Variants in TPRG1 observed in about 807,000 individuals in gnomAD.
TPRG1 encodes the protein tumor protein p63-regulated gene 1 protein.
A neutral mutation model predicts 29.3 loss-of-function variants in TPRG1; 29 were observed. The observed-to-expected ratio is 0.99, with a 90% confidence interval of 0.74 to 1.35. TPRG1 has a LOEUF of 1.35. Among genes scored for constraint, TPRG1 ranks in the 40% most tolerant of loss-of-function variants. The pLI is 0.00. For missense variants in TPRG1, 327 were observed against 335.0 expected, an observed-to-expected ratio of 0.98 and a Z score of 0.19; for synonymous variants, 130 against 116.8, an observed-to-expected ratio of 1.11 and a Z score of -0.73.
intron 4 of TPRG1, among the ~76,000 whole-genome samples, chr3:189,308,267 C>T (rs1287485229): frequency 6.6e-6 from 1 of 152,216 alleles, no homozygotes; most frequent in East Asian, 1.9e-4. Flanking sequence ...GACTGTATCA[C>T]AGGACTCCCG....
intron 4 of TPRG1, among the ~76,000 whole-genome samples, chr3:189,306,330 T>G (rs539177055): frequency 1.3e-5 from 2 of 152,300 alleles, no homozygotes; most frequent in African/African-American, 4.8e-5. Context: ...GAATGGAAGT[T>G]TTTCTGATGG....
At chr3:189,029,939 G>A (rs576651800) in intron 4 of TPRG1, among the ~76,000 whole-genome samples, 2 of 152,300 alleles carry the variant, frequency 1.3e-5, no homozygotes, top group East Asian at 1.9e-4. Flanking sequence ...ATCAGCATCA[G>A]CATCATGCTT....
intron 4 of TPRG1, among the ~76,000 whole-genome samples, chr3:189,241,640 C>T (rs6444362): frequency 0.26 from 39,369 of 152,014 alleles, 6,494 homozygotes; most frequent in African/African-American, 0.47. Context: ...AAATATCAAC[C>T]TGGACTCTAT....
chr3:189,028,448 G>A (rs1286055989), intron 4 of TPRG1, among the ~76,000 whole-genome samples: 1 of 152,188 alleles, frequency 6.6e-6, no homozygotes, highest in East Asian at 1.9e-4. Flanking sequence ...AGCATGCATT[G>A]CTCATGTGTT....
intron 1 of TPRG1, among the ~76,000 whole-genome samples, chr3:189,124,253 G>T (rs1159662722): frequency 6.6e-6 from 1 of 152,058 alleles, no homozygotes; most frequent in African/African-American, 2.4e-5. Flanking sequence ...AACGGAAGAA[G>T]CAGGCAGAGA....
chr3:189,065,599 T>C (rs1245638589), intron 4 of TPRG1, among the ~76,000 whole-genome samples: 1 of 151,658 alleles, frequency 6.6e-6, no homozygotes, highest in Non-Finnish European at 1.5e-5. Context: ...AGAAAAAATA[T>C]TTCACAATAT....
At chr3:189,098,543 T>A (rs1718842188), upstream of TPRG1, among the ~76,000 whole-genome samples, 1 of 152,202 alleles carries the variant, frequency 6.6e-6, no homozygotes, top group East Asian at 1.9e-4. Context: ...GGAAAGCCCC[T>A]GCACTCCCAA....
chr3:189,294,175 A>G (rs2109222224), intron 4 of TPRG1, among the ~76,000 whole-genome samples: 1 of 152,350 alleles, frequency 6.6e-6, no homozygotes, highest in Admixed American at 6.5e-5. Flanking sequence ...GCCCATAGGA[A>G]ACTGACTGGT....
At chr3:189,049,369 G>C (rs191398573) in intron 4 of TPRG1, among the ~76,000 whole-genome samples, 1 of 152,060 alleles carries the variant, frequency 6.6e-6, no homozygotes, top group African/African-American at 2.4e-5. Context: ...GCCTCTGACT[G>C]CTTGCTTTCC....
rs558890290 is a variant in TPRG1 at position 189,024,174 on chromosome 3, A to G, written c.-463+228A>G. 7.9e-5 allele frequency among the ~76,000 whole-genome samples: 12 copies of G among 152,300 alleles called. No individual in the cohort carries two copies. The East Asian group carries it at 2.3e-3, about 30-fold the overall frequency. On this transcript the variant is annotated intron_variant, in intron 4 of 10. Coordinates refer to the TPRG1 transcript ENST00000433971. The stretch of plus-strand genomic sequence containing the variant: ...TCCCAGGGAGAAATTAGAACTCTGT[A>G]GCCAGTAGAACATGGGGAGAGATGG...
rs150424636 is a variant in TPRG1 at position 189,177,818 on chromosome 3, C to T, written c.-10+5687C>T. On this transcript the variant is annotated intron_variant, in intron 1 of 5. Transcript: ENST00000345063. Reference sequence around the variant, plus strand: ...TCATTTACATTTTCTGTAGACAATGCATCCCTAAATTATCAACACGTTAAA... The same window carrying T: ...TCATTTACATTTTCTGTAGACAATGTATCCCTAAATTATCAACACGTTAAA... Among the ~76,000 whole-genome samples the T allele has an allele frequency of 5.6e-3, 855 of 152,264 alleles. 4 individuals are homozygous for T. The highest frequency in any genetic ancestry group is 0.01 in the Middle Eastern group (3 of 294).
chr3:189,047,913 G>A lies in TPRG1; in HGVS notation c.-463+23967G>A, dbSNP rs1487838767. Among the ~76,000 whole-genome samples, 5 of 152,152 alleles carry A rather than the reference G, an allele frequency of 3.3e-5. No individual in the cohort carries two copies. In the East Asian group the frequency reaches 9.6e-4, roughly 29 times the overall value. On this transcript the variant is annotated intron_variant, in intron 4 of 10. Transcript: ENST00000433971. Reference sequence around the variant, plus strand: ...AGCATGTTTGCAGGCATTTTCTCCAGTCAAGTCTGGAACCCCTCAGTTATC... The same window carrying A: ...AGCATGTTTGCAGGCATTTTCTCCAATCAAGTCTGGAACCCCTCAGTTATC...
chr3:189,240,952 T>A (rs1259469525), intron 4 of TPRG1, among the ~76,000 whole-genome samples: 1 of 152,234 alleles, frequency 6.6e-6, no homozygotes, highest in Non-Finnish European at 1.5e-5. Context: ...CTCAGTGTTT[T>A]TTAATAGTGC....
chr3:189,291,464 C>T lies in TPRG1; in HGVS notation c.480-18922C>T, dbSNP rs112797732. Among the ~76,000 whole-genome samples the T allele has an allele frequency of 9.9e-4, 150 of 152,270 alleles. 1 individual carries two copies. The highest frequency in any genetic ancestry group is 3.4e-3 in the Middle Eastern group (1 of 292). On this transcript the variant is annotated intron_variant, in intron 4 of 5. Coordinates refer to ENST00000345063, the MANE Select transcript of TPRG1 (RefSeq NM_198485.4). ...ATGAGAAAGCCATGCAGTACATTTACAAGGTGTTTGAAACTATGGTGCCAA... is the reference window on the plus strand; with the variant it reads ...ATGAGAAAGCCATGCAGTACATTTATAAGGTGTTTGAAACTATGGTGCCAA...
At chr3:189,268,870 G>A (rs907101559) in intron 4 of TPRG1, among the ~76,000 whole-genome samples, 5 of 152,192 alleles carry the variant, frequency 3.3e-5, no homozygotes, top group Non-Finnish European at 7.3e-5. Flanking sequence ...AGAGACTTTG[G>A]ATCTTTCAGG....
intron 4 of TPRG1, among the ~76,000 whole-genome samples, chr3:189,084,970 C>A (rs1258910373): frequency 6.6e-6 from 1 of 152,166 alleles, no homozygotes; most frequent in Non-Finnish European, 1.5e-5. Flanking sequence ...CAGTAACAGA[C>A]AATATGTGCA....
At chr3:189,269,286 C>T (rs1006578095) in intron 4 of TPRG1, among the ~76,000 whole-genome samples, 14 of 152,094 alleles carry the variant, frequency 9.2e-5, no homozygotes, top group Non-Finnish European at 1.5e-4. Flanking sequence ...GTCTCAAGGT[C>T]GTAAACTGTG....
chr3:189,263,945 T>C (rs1010983727), intron 4 of TPRG1, among the ~76,000 whole-genome samples: 1 of 152,104 alleles, frequency 6.6e-6, no homozygotes, highest in Non-Finnish European at 1.5e-5. Context: ...AGAGGCAGGG[T>C]AGGGGCTGGG....
chr3:189,292,925 A>G (rs1319858742), intron 4 of TPRG1, among the ~76,000 whole-genome samples: 1 of 152,094 alleles, frequency 6.6e-6, no homozygotes, highest in African/African-American at 2.4e-5. Flanking sequence ...GGGCCTCTGC[A>G]GGGTGTATTG....
Sources: gnomAD v4.1 joint callset for allele counts (sites outside exome capture counted in the v4.1 genomes callset) on GRCh38, gnomAD v4.1.1 for gene constraint, MANE v1.5 for transcripts, NCBI Gene and HGNC (gene_info 2026-07-23, HGNC 2026-07-21) for gene names.